The following ST8SIA6 variants were observed in gnomAD, a reference collection of about 807,000 sequenced individuals.
ST8SIA6 encodes ST8 alpha-N-acetyl-neuraminide alpha-2,8-sialyltransferase 6.
Under a neutral mutation model 33.6 loss-of-function variants are expected in ST8SIA6, and 39 were observed. The observed-to-expected ratio is 1.16, with a 90% CI of 0.90 to 1.52. The LOEUF is 1.52. Among genes scored for constraint, ST8SIA6 ranks in the 40% most tolerant of loss-of-function variants. The probability of loss-of-function intolerance (pLI) is 0.00; values close to 1 mark genes in which losing one functional copy is unlikely to be tolerated. For missense variants in ST8SIA6, 441 were observed against 443.8 expected, an observed-to-expected ratio of 0.99 and a Z score of 0.06; for synonymous variants, 172 against 167.2, an observed-to-expected ratio of 1.03 and a Z score of -0.22.
intron 2 of ST8SIA6, among the ~76,000 whole-genome samples, chr10:17,446,703 C>A (rs914393556): frequency 6.6e-6 from 1 of 151,772 alleles, no homozygotes; most frequent in Non-Finnish European, 1.5e-5. Flanking sequence ...AAGAACTATG[C>A]GAGACAGAAA....
At chr10:17,349,803 A>G (rs1279377680) in intron 4 of ST8SIA6, among the ~76,000 whole-genome samples, 1 of 152,184 alleles carries the variant, frequency 6.6e-6, no homozygotes, top group African/African-American at 2.4e-5. Context: ...TGTACTCCCC[A>G]GCCCTTTCCA....
intron 6 of ST8SIA6, among the ~76,000 whole-genome samples, chr10:17,323,392 C>CTTTTTT (rs760856694): frequency 8.9e-6 from 1 of 111,906 alleles, no homozygotes; most frequent in Non-Finnish European, 1.8e-5. Flanking sequence ...AAATATACAC[C>CTTTTTT]TTTTTTTTTT....
At chr10:17,330,092 G>A (rs1324574073) in intron 5 of ST8SIA6, among the ~76,000 whole-genome samples, 2 of 152,114 alleles carry the variant, frequency 1.3e-5, no homozygotes, top group Non-Finnish European at 2.9e-5. Context: ...ATAGGGACCT[G>A]GCTCTGCAAT....
chr10:17,453,719 C>G (rs1256297739), intron 1 of ST8SIA6, 62 bp from the exon 2 acceptor site: 2 of 1,201,846 alleles, frequency 1.7e-6, no homozygotes, highest in East Asian at 3.2e-5. Context: ...GGCTGAAAGG[C>G]TGGGAGTCGC....
intron 2 of ST8SIA6, among the ~76,000 whole-genome samples, chr10:17,406,785 G>A (rs1235169751): frequency 6.7e-6 from 1 of 149,086 alleles, no homozygotes; most frequent in Non-Finnish European, 1.5e-5. Context: ...GAAACCGAGG[G>A]CTAATCTTTT....
chr10:17,379,409 G>C (rs1850048006), intron 3 of ST8SIA6, among the ~76,000 whole-genome samples: 1 of 152,164 alleles, frequency 6.6e-6, no homozygotes, highest in African/African-American at 2.4e-5. Context: ...ATGTAGGCCA[G>C]GAGTGTCGGG....
intron 3 of ST8SIA6, among the ~76,000 whole-genome samples, chr10:17,387,442 TGGGGCG>T (rs201711367): frequency 0.24 from 1,344 of 5,616 alleles, 25 homozygotes; most frequent in Admixed American, 0.33. Flanking sequence ...GTCGGGGCGG[TGGGGCG>T]GGGGGGGGGG....
At chr10:17,360,773 A>G (rs1353074465) in intron 3 of ST8SIA6, among the ~76,000 whole-genome samples, 1 of 152,074 alleles carries the variant, frequency 6.6e-6, no homozygotes, top group Non-Finnish European at 1.5e-5. Flanking sequence ...ACAGGTAAAT[A>G]GAGAACAAAC....
intron 4 of ST8SIA6, among the ~76,000 whole-genome samples, chr10:17,331,938 C>T (rs1848315870): frequency 6.6e-6 from 1 of 152,192 alleles, no homozygotes; most frequent in East Asian, 1.9e-4. Context: ...TCCCAATGCT[C>T]TCCCTCCCCT....
intron 4 of ST8SIA6, among the ~76,000 whole-genome samples, chr10:17,355,020 T>G (rs1849149598): frequency 6.6e-6 from 1 of 152,136 alleles, no homozygotes; most frequent in African/African-American, 2.4e-5. Flanking sequence ...GAGTAAAAGC[T>G]TAGGAATCTA....
intron 4 of ST8SIA6, among the ~76,000 whole-genome samples, chr10:17,355,368 A>G (rs1317704641): frequency 6.6e-6 from 1 of 152,164 alleles, no homozygotes; most frequent in Non-Finnish European, 1.5e-5. Flanking sequence ...CTTCTCCTTC[A>G]ATGAGAGAAC....
chr10:17,449,702 G>C (rs1475486417), intron 2 of ST8SIA6, among the ~76,000 whole-genome samples: 1 of 152,090 alleles, frequency 6.6e-6, no homozygotes, highest in East Asian at 1.9e-4. Context: ...TATCATTAAG[G>C]CTTGAGCTTG....
chr10:17,446,992 G>T (rs1852730458), intron 2 of ST8SIA6, among the ~76,000 whole-genome samples: 1 of 140,140 alleles, frequency 7.1e-6, no homozygotes. Context: ...AGGTTGCAGT[G>T]AGCCAAGATA....
At chr10:17,359,271 A>C (rs1227819549) in intron 4 of ST8SIA6, among the ~76,000 whole-genome samples, 1 of 152,208 alleles carries the variant, frequency 6.6e-6, no homozygotes, top group Non-Finnish European at 1.5e-5. Flanking sequence ...TACAAAACAT[A>C]CTAAAATCTT....
intron 2 of ST8SIA6, 49 bp from the exon 3 acceptor site, chr10:17,390,669 T>C (rs1259759562): frequency 1.4e-6 from 2 of 1,455,422 alleles, no homozygotes; most frequent in Non-Finnish European, 9.5e-7. Flanking sequence ...AATGAGAGCT[T>C]ATAAGATATT....
rs537679189 is a variant in ST8SIA6 at position 17,451,558 on chromosome 10, CT to C, written c.200+2000del. On this transcript the variant is annotated intron_variant, in intron 2 of 7. Coordinates refer to ENST00000377602, the MANE Select transcript of ST8SIA6 (RefSeq NM_001004470.3). ...ATGTAACAAAAATGCACTTTACCCCCTAAACCTATTTTGAAAAATTTTTAAA... is the reference window on the plus strand; with the variant it reads ...ATGTAACAAAAATGCACTTTACCCCCAAACCTATTTTGAAAAATTTTTAAA... Among the ~76,000 whole-genome samples the C allele has an allele frequency of 3.2e-4, 49 of 152,256 alleles. 1 individual carries two copies. Among genetic ancestry groups the C allele is most frequent in the Middle Eastern group, 3.4e-3 (1 of 292 alleles).
intron 3 of ST8SIA6, among the ~76,000 whole-genome samples, chr10:17,370,783 A>G (rs957128748): frequency 5.9e-5 from 9 of 152,212 alleles, no homozygotes; most frequent in Non-Finnish European, 1.2e-4. Flanking sequence ...GTATGCATAT[A>G]TATTTGGGAA....
chr10:17,323,229 G>GCGCATGCACACA, intron 6 of ST8SIA6, 72 bp from the exon 7 acceptor site: 2 of 793,954 alleles, frequency 2.5e-6, no homozygotes, highest in Non-Finnish European at 4.1e-6. Flanking sequence ...ACATATGCGC[G>GCGCATGCACACA]CACACACACA....
intron 2 of ST8SIA6, among the ~76,000 whole-genome samples, chr10:17,450,033 C>A (rs373727559): frequency 6.6e-6 from 1 of 152,114 alleles, no homozygotes; most frequent in African/African-American, 2.4e-5. Context: ...TTTTCTGAAC[C>A]AATTTTGGTT....
Sources: allele counts gnomAD v4.1 joint callset (sites outside exome capture counted in the v4.1 genomes callset), GRCh38; gene constraint gnomAD v4.1.1; transcripts MANE v1.5; gene names NCBI Gene and HGNC (gene_info 2026-07-23, HGNC 2026-07-21).